The following CYP39A1 variants were observed in gnomAD, a reference collection of about 807,000 sequenced individuals.
CYP39A1 encodes cytochrome P450 family 39 subfamily A member 1.
CYP39A1 carries 49 observed loss-of-function variants against 58.1 expected under a neutral mutation model. That is an observed-to-expected ratio of 0.84 (90% CI 0.67 to 1.07). The LOEUF is 1.07. Ranked by LOEUF, CYP39A1 falls within the 50% of genes least tolerant of loss-of-function variation. The probability of loss-of-function intolerance (pLI) is 0.00; values close to 1 mark genes in which losing one functional copy is unlikely to be tolerated. For synonymous variants in CYP39A1, 209 were observed against 187.6 expected (o/e 1.11, Z -0.93); for missense variants, 531 against 539.4 (o/e 0.98, Z 0.16).
In CYP39A1 at chr6:46,583,475, C is replaced by T. The variant is rs562644502; in HGVS notation, c.1250+3602G>A. ...CTCCGTCTTATTCCTCCATTTAAAT[C>T]GTATAGTTTAATGTGAGACTGTCTG... is the stretch of plus-strand genomic sequence containing the variant. On this transcript the variant is annotated intron_variant, in intron 10 of 11. Coordinates refer to ENST00000275016, the MANE Select transcript of CYP39A1 (RefSeq NM_016593.5). 94 of 985,314 alleles carry T rather than the reference C, an allele frequency of 9.5e-5. No homozygotes were observed. The African/African-American group carries it at 1.5e-3, about 16-fold the overall frequency. The allele number at this position is 985,314 out of a possible 1,614,324, so 61.0% of individuals were successfully genotyped here.
chr6:46,557,642 T>C (rs1582285834), intron 10 of CYP39A1, among the ~76,000 whole-genome samples: 1 of 108,710 alleles, frequency 9.2e-6, no homozygotes, highest in East Asian at 2.3e-4. Context: ...AACTCTGTCT[T>C]TAAAAAAAAA....
chr6:46,584,304 TAA>T (rs1344626966), intron 10 of CYP39A1, among the ~76,000 whole-genome samples: 4 of 152,138 alleles, frequency 2.6e-5, no homozygotes, highest in African/African-American at 9.7e-5. Context: ...AGATTTTGGT[TAA>T]GTGATATATA....
chr6:46,596,214 G>A (rs950398057), intron 7 of CYP39A1, 94 bp from the exon 8 acceptor site: 12 of 890,562 alleles, frequency 1.3e-5, no homozygotes, highest in Admixed American at 5.7e-5. Context: ...TGTTGCCTCT[G>A]ACAGCAAGTA....
At chr6:46,623,570 T>G (rs570638309) in intron 7 of CYP39A1, among the ~76,000 whole-genome samples, 1 of 152,162 alleles carries the variant, frequency 6.6e-6, no homozygotes, top group African/African-American at 2.4e-5. Context: ...ATCATGGGAC[T>G]CCTCAGCCTC....
chr6:46,564,070 T>G (rs1771122536), intron 10 of CYP39A1, among the ~76,000 whole-genome samples: 1 of 150,826 alleles, frequency 6.6e-6, no homozygotes, highest in African/African-American at 2.5e-5. Context: ...GATGCTGAGG[T>G]GAAGGAGACC....
intron 7 of CYP39A1, among the ~76,000 whole-genome samples, chr6:46,596,631 T>A (rs1773180388): frequency 1.3e-5 from 2 of 151,944 alleles, no homozygotes; most frequent in African/African-American, 4.8e-5. Context: ...GGGGCACAAG[T>A]ATCTGAGCTG....
intron 8 of CYP39A1, 117 bp from the exon 9 acceptor site, chr6:46,588,246 A>G: frequency 5.7e-6 from 2 of 350,398 alleles, no homozygotes; most frequent in Non-Finnish European, 1.0e-5. Flanking sequence ...TTTATAATTG[A>G]ATGTGAGAAA....
chr6:46,624,496 T>C (rs139169241), intron 7 of CYP39A1, among the ~76,000 whole-genome samples: 57 of 152,202 alleles, frequency 3.7e-4, no homozygotes, highest in African/African-American at 1.3e-3. Flanking sequence ...GCTCAGACAA[T>C]ATTACTTAGA....
chr6:46,557,144 T>TGTA (rs1433547923), intron 10 of CYP39A1, among the ~76,000 whole-genome samples: 1 of 151,386 alleles, frequency 6.6e-6, no homozygotes, highest in Non-Finnish European at 1.5e-5. Context: ...AAGAAAAATA[T>TGTA]CTAAAATGAA....
intron 10 of CYP39A1, among the ~76,000 whole-genome samples, chr6:46,559,066 A>G (rs973304390): frequency 6.6e-6 from 1 of 151,410 alleles, no homozygotes; most frequent in Non-Finnish European, 1.5e-5. Context: ...TGATGTTGAA[A>G]TGACAATCAA....
At chr6:46,597,111 T>C (rs1383692852) in intron 7 of CYP39A1, among the ~76,000 whole-genome samples, 2 of 152,112 alleles carry the variant, frequency 1.3e-5, no homozygotes, top group Non-Finnish European at 2.9e-5. Flanking sequence ...GGGTGCTGCC[T>C]GGGAAACCTT....
At chr6:46,609,729 T>C (rs1256274656) in intron 7 of CYP39A1, among the ~76,000 whole-genome samples, 1 of 152,214 alleles carries the variant, frequency 6.6e-6, no homozygotes, top group African/African-American at 2.4e-5. Flanking sequence ...CTTGTAAGCT[T>C]ACTGTGCTGA....
rs116244104 is a variant in CYP39A1 at position 46,642,450 on chromosome 6, G to C, written c.178-152C>G. ...TTAGTTATAAATTTTGATTGTTTCA[G>C]CCAGATCTGAATTATATACATTTTA... is the stretch of plus-strand genomic sequence containing the variant. On this transcript the variant is annotated intron_variant, in intron 1 of 11. Transcript: ENST00000275016. The C allele has an allele frequency of 1.1e-3, 788 of 713,478 alleles. 6 individuals carry two copies. In the African/African-American group the frequency reaches 0.012, roughly 11 times the overall value. The allele number at this position is 713,478 out of a possible 1,614,324, so 44.2% of individuals were successfully genotyped here.
chr6:46,644,587 G>A (rs930067695), intron 1 of CYP39A1, among the ~76,000 whole-genome samples: 5 of 152,252 alleles, frequency 3.3e-5, no homozygotes, highest in East Asian at 3.9e-4. Flanking sequence ...TAGGGCTATC[G>A]CAAATAGTGC....
chr6:46,618,934 C>T (rs1417609968), intron 7 of CYP39A1, among the ~76,000 whole-genome samples: 1 of 151,972 alleles, frequency 6.6e-6, no homozygotes, highest in Non-Finnish European at 1.5e-5. Flanking sequence ...GCCCAGATAA[C>T]CCAAGAAGCA....
At chr6:46,551,220 G>T (rs1210199569) in intron 11 of CYP39A1, among the ~76,000 whole-genome samples, 1 of 152,134 alleles carries the variant, frequency 6.6e-6, no homozygotes, top group Non-Finnish European at 1.5e-5. Flanking sequence ...ATTCTTTGGA[G>T]AGTTGAAAGA....
chr6:46,604,968 A>G (rs1239514054), intron 7 of CYP39A1, among the ~76,000 whole-genome samples: 1 of 152,010 alleles, frequency 6.6e-6, no homozygotes, highest in Admixed American at 6.6e-5. Context: ...ATTGGGCTAC[A>G]TATAAAATAC....
chr6:46,573,533 A>G (rs1450225662), intron 10 of CYP39A1, among the ~76,000 whole-genome samples: 1 of 152,242 alleles, frequency 6.6e-6, no homozygotes, highest in East Asian at 1.9e-4. Flanking sequence ...CGCCTATGAC[A>G]CTGTGGGGAG....
At chr6:46,619,226 GGATGGTT>G (rs1774811791) in intron 7 of CYP39A1, among the ~76,000 whole-genome samples, 1 of 151,976 alleles carries the variant, frequency 6.6e-6, no homozygotes, top group Non-Finnish European at 1.5e-5. Context: ...ATGTCAAATG[GGATGGTT>G]GATAGAGCTG....
Sources: allele counts gnomAD v4.1 joint callset (sites outside exome capture counted in the v4.1 genomes callset), GRCh38; gene constraint gnomAD v4.1.1; transcripts MANE v1.5; gene names NCBI Gene and HGNC (gene_info 2026-07-23, HGNC 2026-07-21).